The following DFFA variants were observed in gnomAD, a reference collection of about 807,000 sequenced individuals.
DFFA encodes the protein DNA fragmentation factor subunit alpha, also known as DFF45.
Under a neutral mutation model 28.0 loss-of-function variants are expected in DFFA, and 14 were observed. The observed-to-expected ratio is 0.50, with a 90% CI of 0.33 to 0.78. DFFA has a LOEUF of 0.78. DFFA is among the 30% of genes least tolerant of loss of function. DFFA has a pLI of 0.02. For missense variants in DFFA, 395 were observed against 407.1 expected (o/e 0.97, Z 0.26); for synonymous variants, 158 against 170.3 (o/e 0.93, Z 0.56).
chr1:10,462,870 T>G lies in DFFA; in HGVS notation c.783+188A>C, dbSNP rs140650992. The G allele has an allele frequency of 8.0e-5, 114 of 1,416,422 alleles. 1 individual carries two copies. The African/African-American group carries it at 1.5e-3, about 19-fold the overall frequency. 87.7% of individuals were successfully genotyped at this position (1,416,422 alleles called of 1,614,324 possible). ...ATGATCTGAGGAAGTGTATGCATTT[T>G]TCTTTAAAGCTATTTTGATTTAGAT... On this transcript the variant is annotated intron_variant, in intron 5 of 5. Transcript: ENST00000377038.
chr1:10,471,316 T>C (rs2124350417), intron 1 of DFFA, among the ~76,000 whole-genome samples: 1 of 152,214 alleles, frequency 6.6e-6, no homozygotes, highest in East Asian at 1.9e-4. Context: ...CCTTCAGCGG[T>C]GTTGTCTACC....
intron 1 of DFFA, among the ~76,000 whole-genome samples, 199 bp from the exon 2 acceptor site, chr1:10,469,537 T>C (rs1003685545): frequency 6.6e-6 from 1 of 152,146 alleles, no homozygotes; most frequent in Non-Finnish European, 1.5e-5. Flanking sequence ...TTCTTTTTTT[T>C]TGTAGCAGGG....
intron 3 of DFFA, among the ~76,000 whole-genome samples, chr1:10,466,769 A>G (rs1641028659): frequency 6.6e-6 from 1 of 151,832 alleles, no homozygotes; most frequent in Non-Finnish European, 1.5e-5. Context: ...CCTGGCCAAC[A>G]TGATGAAACG....
intron 4 of DFFA, 100 bp downstream of exon 4, chr1:10,463,325 AGCCGCG>A (rs1640976345): frequency 6.5e-7 from 1 of 1,544,472 alleles, no homozygotes. Flanking sequence ...GCATCCCAGC[AGCCGCG>A]GCTTCAGTGG....
In DFFA at chr1:10,461,122, G is replaced by A. The variant is rs1381223971; in HGVS notation, c.*368C>T. 1 of 180,588 alleles carries A rather than the reference G, an allele frequency of 5.5e-6. No homozygotes were observed. The highest frequency in any genetic ancestry group is 1.2e-5 in the Non-Finnish European group (1 of 84,160). 11.2% of individuals were successfully genotyped at this position (180,588 alleles called of 1,614,324 possible). On this transcript the variant is annotated 3_prime_UTR_variant, in exon 6 of 6. Transcript: ENST00000377038. ...AGACAGGGTTTCACCATGTTAGCCA[G>A]GATGGTCTCGATCTCCTGACTTCAC...
Position 10,461,188 on chromosome 1 carries a change from G to C in DFFA, c.*302C>G, listed in dbSNP as rs564655542. 6.8e-6 allele frequency: 2 copies of C among 294,550 alleles called. No individual in the cohort carries two copies. The highest frequency in any genetic ancestry group is 1.0e-4 in the South Asian group (2 of 19,798). 18.2% of individuals were successfully genotyped at this position (294,550 alleles called of 1,614,324 possible). The stretch of plus-strand genomic sequence containing the variant: ...GCCTCCCAGTGCTGGGATTACAGGC[G>C]TGAGCCACTGCGCCTGGCCAATCAC... On this transcript the variant is annotated 3_prime_UTR_variant, in exon 6 of 6. Coordinates refer to ENST00000377038, the MANE Select transcript of DFFA (RefSeq NM_004401.3).
In DFFA at chr1:10,457,187, A is replaced by G. The variant is rs921680846; in HGVS notation, c.*4303T>C. 1 of 152,232 alleles carries G rather than the reference A, an allele frequency of 6.6e-6. No individual in the cohort carries two copies. The highest frequency in any genetic ancestry group is 2.4e-5 in the African/African-American group (1 of 41,422). The allele number at this position is 152,232 out of a possible 1,614,324, so 9.4% of individuals were successfully genotyped here. A position where few individuals can be genotyped will look rare whatever the true frequency, so the allele number is the denominator to read the frequency against. ...ACAGGGCCTCACTCTGCCACCCAGG[A>G]TGGAGTGCAGTGGCACGATCACAGC... On this transcript the variant is annotated 3_prime_UTR_variant, in exon 6 of 6. Coordinates refer to ENST00000377038, the MANE Select transcript of DFFA (RefSeq NM_004401.3).
rs1640879914 is a variant in DFFA at position 10,457,794 on chromosome 1, A to T, written c.*3696T>A. ...TTTGTCTCACTCCCAAATCCACAGG[A>T]CATTTTCCATTATCCACCCAGTTCA... On this transcript the variant is annotated 3_prime_UTR_variant, in exon 6 of 6. Transcript: ENST00000377038. 6.6e-6 allele frequency: 1 copy of T among 152,202 alleles called. No homozygotes were observed. The highest frequency in any genetic ancestry group is 6.6e-5 in the Admixed American group (1 of 15,266). The allele number at this position is 152,202 out of a possible 1,614,324, so 9.4% of individuals were successfully genotyped here.
At chr1:10,465,613 G>C (rs1042390934) in intron 3 of DFFA, among the ~76,000 whole-genome samples, 3 of 151,776 alleles carry the variant, frequency 2.0e-5, no homozygotes. Flanking sequence ...GGATGGTCTT[G>C]ATCTCTTGAC....
rs1641062445 is a variant in DFFA at position 10,469,280 on chromosome 1, C to T, written c.195G>A (p.Glu65=). 2 of 1,614,174 alleles carry T rather than the reference C, an allele frequency of 1.2e-6. No individual in the cohort carries two copies. The highest frequency in any genetic ancestry group is 1.7e-6 in the Non-Finnish European group (2 of 1,180,016). Residue 65 remains glutamate (E), a synonymous_variant, in exon 2 of 6, where the codon GAG becomes GAA. Coordinates refer to ENST00000377038, the MANE Select transcript of DFFA (RefSeq NM_004401.3). ...SLTPVTLVLA[E]DGTIVDDDDY... ...CGTCATCATCCACTATGGTGCCATC[C>T]TCTGCCAGGACCAGGGTGACTGGTG...
rs1474729995 is a variant in DFFA at position 10,460,750 on chromosome 1, G to A, written c.*740C>T. 6.6e-6 allele frequency: 1 copy of A among 150,602 alleles called. No individual in the cohort carries two copies. Among genetic ancestry groups the A allele is most frequent in the East Asian group, 2.0e-4 (1 of 5,114 alleles). 9.3% of individuals were successfully genotyped at this position (150,602 alleles called of 1,614,324 possible). The stretch of plus-strand genomic sequence containing the variant: ...TCACTGTGTTAGCCAGGATGGTCTC[G>A]ATCTCCTGACCTCGTGATCCACCCG... On this transcript the variant is annotated 3_prime_UTR_variant, in exon 6 of 6. Transcript: ENST00000377038.
Position 10,456,853 on chromosome 1 carries a change from G to C in DFFA, c.*4637C>G, listed in dbSNP as rs1640868438. Reference sequence around the variant, plus strand: ...TTTCTTCTACCACAAGAACGGGCATGCCCTGCCCTCTCTCACTCCTATTTT... The same window carrying C: ...TTTCTTCTACCACAAGAACGGGCATCCCCTGCCCTCTCTCACTCCTATTTT... On this transcript the variant is annotated 3_prime_UTR_variant, in exon 6 of 6. Coordinates refer to ENST00000377038, the MANE Select transcript of DFFA (RefSeq NM_004401.3). The C allele has an allele frequency of 6.6e-6, 1 of 152,220 alleles. No individual in the cohort carries two copies. Among genetic ancestry groups the C allele is most frequent in the South Asian group, 2.1e-4 (1 of 4,828 alleles). The allele number at this position is 152,220 out of a possible 1,614,324, so 9.4% of individuals were successfully genotyped here.
Position 10,461,338 on chromosome 1 carries a change from G to T in DFFA, c.*152C>A. 1 of 1,351,786 alleles carries T rather than the reference G, an allele frequency of 7.4e-7. No homozygotes were observed. The highest frequency in any genetic ancestry group is 9.7e-7 in the Non-Finnish European group (1 of 1,027,002). 83.7% of individuals were successfully genotyped at this position (1,351,786 alleles called of 1,614,324 possible). On this transcript the variant is annotated 3_prime_UTR_variant, in exon 6 of 6. Transcript: ENST00000377038. ...TGGTGGGGCTAAAAAAAAAATTGGTGGAACGGCGTATGTTGAGACCTGGAA... is the reference window on the plus strand; with the variant it reads ...TGGTGGGGCTAAAAAAAAAATTGGTTGAACGGCGTATGTTGAGACCTGGAA...
chr1:10,463,652 A>G, intron 3 of DFFA, 32 bp from the exon 4 acceptor site: 1 of 1,571,442 alleles, frequency 6.4e-7, no homozygotes, highest in Non-Finnish European at 8.6e-7. Context: ...TTAGAAATCT[A>G]CAGGGACTTT....
At position 10,463,085 on chromosome 1, in the gene DFFA, C is replaced by T; in HGVS notation, c.756G>A (p.Glu252=). ...LTALREKQAP[E]LSLSSQDLEL... ...CCAAATCCTGACTAGATAAGCTCAG[C>T]TCTGGAGCCTGCTTCTCCCTCAGTG... The change falls in exon 5 of 6, where the codon GAG becomes GAA. Residue 252 remains glutamate (E), a synonymous_variant. Coordinates refer to ENST00000377038, the MANE Select transcript of DFFA (RefSeq NM_004401.3). 1 of 1,614,182 alleles carries T rather than the reference C, an allele frequency of 6.2e-7. No individual in the cohort carries two copies. Among genetic ancestry groups the T allele is most frequent in the Non-Finnish European group, 8.5e-7 (1 of 1,180,038 alleles).
Position 10,461,500 on chromosome 1 carries a change from T to C in DFFA, c.986A>G (p.Asp329Gly). The C allele has an allele frequency of 6.2e-7, 1 of 1,613,876 alleles. No individual in the cohort carries two copies. Among genetic ancestry groups the C allele is most frequent in the African/African-American group, 1.3e-5 (1 of 75,048 alleles). ...CACTTCCCGCTGCTGCTATGTGGGA[T>C]CCTGTCTGGCTCGCTTAGGATTCTG... ...DLQNPKRARQDPT is the reference protein window; with the variant it reads ...DLQNPKRARQGPT The change falls in exon 6 of 6, where the codon GAT (aspartate) becomes GGT (glycine). Residue 329 changes from aspartate to glycine, a missense_variant. Asp to Gly is a moderately conservative substitution (Grantham distance 94). Coordinates refer to ENST00000377038, the MANE Select transcript of DFFA (RefSeq NM_004401.3).
At chr1:10,469,116 A>G in intron 2 of DFFA, 61 bp downstream of exon 2, 1 of 1,522,506 alleles carries the variant, frequency 6.6e-7, no homozygotes, top group Non-Finnish European at 9.0e-7. Context: ...TGTGCAGTGA[A>G]AGTAATCATG....
In DFFA at chr1:10,472,367, T is replaced by G. The variant is rs770306498; in HGVS notation, c.92A>C (p.Gln31Pro). 26 of 1,610,850 alleles carry G rather than the reference T, an allele frequency of 1.6e-5. No homozygotes were observed. In the Admixed American group the frequency reaches 3.0e-4, roughly 19 times the overall value. Reference protein sequence around the residue: ...CLLRRNYSREQHGVAASCLED... With the variant: ...CLLRRNYSREPHGVAASCLED... ...GAGGCAGGAGGCGGCCACGCCGTGC[T>G]GTTCGCGGCTGTAGTTGCGGCGCAG... The change falls in exon 1 of 6, where the codon CAG becomes CCG. Residue 31 changes from glutamine to proline, a missense_variant. Gln to Pro is a moderately conservative substitution (Grantham distance 76, BLOSUM62 -1). Coordinates refer to ENST00000377038, the MANE Select transcript of DFFA (RefSeq NM_004401.3). This position sits in a 1 kb window ranked among gnomAD's most constrained non-coding sequence, Gnocchi z 5.0.
chr1:10,465,584 G>T (rs1455334861), intron 3 of DFFA, among the ~76,000 whole-genome samples: 1 of 151,800 alleles, frequency 6.6e-6, no homozygotes, highest in Non-Finnish European at 1.5e-5. Context: ...GTAAAGACGG[G>T]GTTTCACCAT....
Sources: gnomAD v4.1 joint callset for allele counts (sites outside exome capture counted in the v4.1 genomes callset) on GRCh38, gnomAD v4.1.1 for gene constraint, Gnocchi (gnomAD v3.1) non-coding constraint, MANE v1.5 for transcripts, NCBI Gene and HGNC (gene_info 2026-07-23, HGNC 2026-07-21) for gene names.